Variants in TNNI3K observed in about 807,000 individuals in gnomAD.
TNNI3K encodes the protein serine/threonine-protein kinase TNNI3K.
In TNNI3K, 140 loss-of-function variants were observed where a neutral mutation model predicts 114.5. That is an observed-to-expected ratio of 1.22 (90% CI 1.07 to 1.41). The LOEUF (loss-of-function observed/expected upper bound fraction) is 1.41. Among genes scored for constraint, TNNI3K ranks in the 40% most tolerant of loss-of-function variants. TNNI3K has a pLI of 0.00. For synonymous variants in TNNI3K, 347 were observed against 347.5 expected (o/e 1.00, Z 0.02); for missense variants, 1,125 against 1,007.6 (o/e 1.12, Z -1.58).
At chr1:74,412,255 G>T (rs186858752) in intron 17 of TNNI3K, among the ~76,000 whole-genome samples, 22 of 152,096 alleles carry the variant, frequency 1.4e-4, no homozygotes, top group Admixed American at 6.5e-4. Flanking sequence ...TTGGTAGATT[G>T]TTATATTAAT....
chr1:74,375,951 T>C (rs988948137), intron 17 of TNNI3K: 3 of 168,694 alleles, frequency 1.8e-5, no homozygotes, highest in Admixed American at 1.8e-4. Context: ...TTTTATATGA[T>C]ATAACTAATT....
intron 5 of TNNI3K, among the ~76,000 whole-genome samples, chr1:74,318,370 G>A (rs186552037): frequency 1.6e-4 from 24 of 152,316 alleles, no homozygotes; most frequent in African/African-American, 5.3e-4. Context: ...AAAAGCCTCA[G>A]TGTGACTCTT....
At chr1:74,482,435 G>T (rs1365112928) in intron 21 of TNNI3K, among the ~76,000 whole-genome samples, 1 of 152,158 alleles carries the variant, frequency 6.6e-6, no homozygotes, top group African/African-American at 2.4e-5. Flanking sequence ...CATTTTAGAT[G>T]GTGAGAGTTT....
intron 11 of TNNI3K, among the ~76,000 whole-genome samples, chr1:74,357,679 C>A (rs1408489030): frequency 6.6e-6 from 1 of 152,120 alleles, no homozygotes; most frequent in East Asian, 1.9e-4. Context: ...TGGTGACCGT[C>A]ATCCTACACA....
chr1:74,395,111 C>G (rs955695163), intron 17 of TNNI3K, among the ~76,000 whole-genome samples: 13 of 151,868 alleles, frequency 8.6e-5, no homozygotes, highest in Non-Finnish European at 4.4e-5. Flanking sequence ...TCCGGGAAGA[C>G]TGTGACCCCC....
At chr1:74,333,094 G>A (rs1660296780) in intron 6 of TNNI3K, among the ~76,000 whole-genome samples, 1 of 151,990 alleles carries the variant, frequency 6.6e-6, no homozygotes. Context: ...TTGTAGGTTA[G>A]AATTATACCT....
intron 23 of TNNI3K, among the ~76,000 whole-genome samples, chr1:74,539,399 G>T (rs1349400075): frequency 6.6e-6 from 1 of 152,122 alleles, no homozygotes; most frequent in African/African-American, 2.4e-5. Flanking sequence ...GACAAATGAT[G>T]AATGGATGCT....
chr1:74,412,354 A>G (rs1664921857), intron 17 of TNNI3K, among the ~76,000 whole-genome samples: 1 of 152,114 alleles, frequency 6.6e-6, no homozygotes. Flanking sequence ...TAGACAAGTG[A>G]CTTAATTTAG....
At chr1:74,290,986 T>A (rs572867205) in intron 5 of TNNI3K, among the ~76,000 whole-genome samples, 2 of 151,894 alleles carry the variant, frequency 1.3e-5, no homozygotes, top group African/African-American at 4.8e-5. Flanking sequence ...AACATATGTA[T>A]TTTAAATATA....
intron 17 of TNNI3K, among the ~76,000 whole-genome samples, chr1:74,419,806 A>G (rs1420497471): frequency 6.6e-5 from 10 of 152,168 alleles, no homozygotes; most frequent in Non-Finnish European, 1.3e-4. Context: ...AATTGCTGAC[A>G]AAAGCTAAAT....
chr1:74,485,396 G>A (rs1287575501), intron 21 of TNNI3K, among the ~76,000 whole-genome samples: 1 of 152,158 alleles, frequency 6.6e-6, no homozygotes, highest in Non-Finnish European at 1.5e-5. Context: ...TGGATGTGTG[G>A]TTCAGGGGCA....
chr1:74,376,375 T>C (rs1348065503), intron 17 of TNNI3K, among the ~76,000 whole-genome samples: 1 of 152,012 alleles, frequency 6.6e-6, no homozygotes, highest in African/African-American at 2.4e-5. Context: ...CAGCTATTTC[T>C]TTAACTTGTG....
chr1:74,493,641 G>A (rs891394389), intron 23 of TNNI3K, among the ~76,000 whole-genome samples: 4 of 152,232 alleles, frequency 2.6e-5, no homozygotes, highest in African/African-American at 4.8e-5. Context: ...TTGTTTGTGG[G>A]CTCATTTTGG....
chr1:74,389,704 A>C (rs1029018613), intron 17 of TNNI3K, among the ~76,000 whole-genome samples: 1 of 152,232 alleles, frequency 6.6e-6, no homozygotes, highest in Admixed American at 6.5e-5. Flanking sequence ...CATAGAGCCT[A>C]ATAAATAGAA....
rs908563325 is a variant in TNNI3K, at chr1:74,250,597, T to C, written c.236-75T>C. The C allele has an allele frequency of 1.4e-5, 20 of 1,388,466 alleles. No individual in the cohort carries two copies. The African/African-American group carries it at 2.5e-4, about 17-fold the overall frequency. The allele number at this position is 1,388,466 out of a possible 1,614,324, so 86.0% of individuals were successfully genotyped here. A position where few individuals can be genotyped will look rare whatever the true frequency, so the allele number is the denominator to read the frequency against. ...TTTTTATACAGCTGTATGGCATTTA[T>C]CATTAGGTCAAAAAGAGTCTCAAAC... On this transcript the variant is annotated intron_variant, in intron 3 of 24. Coordinates refer to ENST00000326637, the MANE Select transcript of TNNI3K (RefSeq NM_015978.3).
chr1:74,317,919 G>A (rs1007092543), intron 5 of TNNI3K, among the ~76,000 whole-genome samples: 1 of 152,152 alleles, frequency 6.6e-6, no homozygotes, highest in Admixed American at 6.6e-5. Flanking sequence ...TATCTCTGCT[G>A]TTCTTTCTTT....
At chr1:74,385,619 A>C (rs994675470) in intron 17 of TNNI3K, among the ~76,000 whole-genome samples, 1 of 150,410 alleles carries the variant, frequency 6.6e-6, no homozygotes, top group South Asian at 2.1e-4. Context: ...AAATGGAAGA[A>C]AAAAAGGTTT....
At chr1:74,268,195 T>G (rs1413988576) in intron 4 of TNNI3K, among the ~76,000 whole-genome samples, 1 of 818 alleles carries the variant, frequency 1.2e-3, no homozygotes, top group Non-Finnish European at 0.042. Flanking sequence ...TATCATATTT[T>G]CTATTTAAAA....
chr1:74,353,904 G>GA, intron 10 of TNNI3K, 76 bp from the exon 11 acceptor site: 1 of 1,521,514 alleles, frequency 6.6e-7, no homozygotes, highest in South Asian at 1.3e-5. Context: ...ATTATGTGGT[G>GA]ATGACTGTCT....
Sources: allele counts gnomAD v4.1 joint callset (sites outside exome capture counted in the v4.1 genomes callset), GRCh38; gene constraint gnomAD v4.1.1; transcripts MANE v1.5; gene names NCBI Gene and HGNC (gene_info 2026-07-23, HGNC 2026-07-21).